Variants in TAMM41 observed in about 807,000 individuals in gnomAD.
TAMM41 encodes TAM41 mitochondrial translocator assembly and maintenance homolog.
In TAMM41, 36 loss-of-function variants were observed where a neutral mutation model predicts 44.1. That is an observed-to-expected ratio of 0.82 (90% CI 0.63 to 1.08). The LOEUF (loss-of-function observed/expected upper bound fraction) is 1.08, where lower values mean the gene tolerates loss of function less well. Among genes scored for constraint, TAMM41 ranks in the 50% least tolerant of loss-of-function variants. The pLI, the probability that TAMM41 is intolerant of heterozygous loss-of-function variation, is 0.00. For synonymous variants in TAMM41, 164 were observed against 153.1 expected (o/e 1.07, Z -0.53); for missense variants, 417 against 404.3 (o/e 1.03, Z -0.27).
the TAMM41 span, among the ~76,000 whole-genome samples, chr3:11,757,738 A>C: frequency 2.6e-5 from 4 of 152,206 alleles, no homozygotes; most frequent in African/African-American, 9.6e-5. Flanking sequence ...ATTTAGAAGC[A>C]ATTCTGTGTC....
chr3:11,791,306 C>G (rs984605801), intron 7 of TAMM41, among the ~76,000 whole-genome samples: 3 of 152,154 alleles, frequency 2.0e-5, no homozygotes, highest in African/African-American at 7.2e-5. Context: ...GGAGAGCTGG[C>G]CCCCTAGCAC....
the TAMM41 span, among the ~76,000 whole-genome samples, chr3:11,731,219 C>T: frequency 5.3e-5 from 8 of 152,090 alleles, no homozygotes; most frequent in Non-Finnish European, 7.4e-5. Flanking sequence ...ACTAAATGAC[C>T]AGATTAGTCA....
At chr3:11,738,595 G>A in the TAMM41 span, among the ~76,000 whole-genome samples, 3 of 152,160 alleles carry the variant, frequency 2.0e-5, no homozygotes, top group African/African-American at 7.2e-5. Flanking sequence ...TGTGCTCAGA[G>A]GGAGTTGCTG....
Position 11,827,929 on chromosome 3 carries a change from C to T in TAMM41, c.562+1785G>A, listed in dbSNP as rs556942269. On this transcript the variant is annotated intron_variant, in intron 4 of 7. Transcript: ENST00000455809. Reference sequence around the variant, plus strand: ...GACAGACATGGTTTTTCTGTTCCTTCTCCTGCCCACTCCCAGGAAAAATAC... The same window carrying T: ...GACAGACATGGTTTTTCTGTTCCTTTTCCTGCCCACTCCCAGGAAAAATAC... 8.5e-5 allele frequency among the ~76,000 whole-genome samples: 13 copies of T among 152,270 alleles called. No homozygotes were observed. In the East Asian group the frequency reaches 2.5e-3, roughly 30 times the overall value.
chr3:11,779,294 T>G, the TAMM41 span, among the ~76,000 whole-genome samples: 1 of 152,164 alleles, frequency 6.6e-6, no homozygotes, highest in African/African-American at 2.4e-5. Flanking sequence ...AATAAACCTT[T>G]ACTCTTTACA....
downstream of TAMM41, among the ~76,000 whole-genome samples, chr3:11,786,082 A>G (rs2124902522): frequency 6.6e-6 from 1 of 152,174 alleles, no homozygotes; most frequent in East Asian, 1.9e-4. Flanking sequence ...TTTGAGAGAC[A>G]GAGTCTCGCT....
chr3:11,739,565 G>A, the TAMM41 span, among the ~76,000 whole-genome samples: 2 of 151,716 alleles, frequency 1.3e-5, no homozygotes, highest in Non-Finnish European at 2.9e-5. Context: ...CCAGCTACTC[G>A]GGTGGCCGAG....
chr3:11,737,284 CATTATTATTATTATTATTATT>C, the TAMM41 span, among the ~76,000 whole-genome samples: 1,931 of 131,664 alleles, frequency 0.015, 47 homozygotes, highest in African/African-American at 0.047. Flanking sequence ...TGTTGGCTTA[CATTATTATTATTATTATTATT>C]ATTATTATTA....
chr3:11,803,078 C>G (rs2077799369), intron 7 of TAMM41, among the ~76,000 whole-genome samples: 1 of 152,176 alleles, frequency 6.6e-6, no homozygotes, highest in South Asian at 2.1e-4. Flanking sequence ...TCAAGGCCAG[C>G]CTGGCCAACA....
chr3:11,733,481 T>C, the TAMM41 span, among the ~76,000 whole-genome samples: 1 of 151,750 alleles, frequency 6.6e-6, no homozygotes, highest in Admixed American at 6.6e-5. Context: ...TATAAGGAGT[T>C]TGGGGGTGTC....
At chr3:11,821,830 C>G (rs181550850) in intron 4 of TAMM41, among the ~76,000 whole-genome samples, 154 of 152,228 alleles carry the variant, frequency 1.0e-3, no homozygotes, top group African/African-American at 3.6e-3. Flanking sequence ...AATGGAGATC[C>G]AGGTTGGGCA....
intron 4 of TAMM41, among the ~76,000 whole-genome samples, chr3:11,823,817 C>T (rs1326303384): frequency 7.2e-6 from 1 of 139,148 alleles, no homozygotes; most frequent in African/African-American, 2.7e-5. Context: ...AGGTGTGTAC[C>T]ACCATGCCCG....
chr3:11,735,489 C>A, the TAMM41 span, among the ~76,000 whole-genome samples: 1 of 151,920 alleles, frequency 6.6e-6, no homozygotes, highest in African/African-American at 2.4e-5. Context: ...CAAAAATTAG[C>A]CAGGTGTGGT....
chr3:11,835,283 G>T (rs1366219252), intron 3 of TAMM41, among the ~76,000 whole-genome samples: 1 of 152,084 alleles, frequency 6.6e-6, no homozygotes, highest in Non-Finnish European at 1.5e-5. Context: ...GGTTAACAGT[G>T]ATTTCCACAT....
chr3:11,785,245 T>C, the TAMM41 span, among the ~76,000 whole-genome samples: 4 of 152,278 alleles, frequency 2.6e-5, no homozygotes, highest in East Asian at 3.9e-4. Flanking sequence ...GATCAGAAGA[T>C]AGGAGGAAGA....
the TAMM41 span, among the ~76,000 whole-genome samples, chr3:11,727,384 T>C: frequency 3.9e-5 from 6 of 152,172 alleles, no homozygotes; most frequent in African/African-American, 1.2e-4. Context: ...ACCTGCTGAA[T>C]TGGATCTGCA....
At chr3:11,777,567 G>A in the TAMM41 span, among the ~76,000 whole-genome samples, 1 of 152,216 alleles carries the variant, frequency 6.6e-6, no homozygotes, top group Non-Finnish European at 1.5e-5. Flanking sequence ...GCCTAGGCAG[G>A]TGGATCATTT....
At chr3:11,772,778 TC>T in the TAMM41 span, among the ~76,000 whole-genome samples, 1 of 152,158 alleles carries the variant, frequency 6.6e-6, no homozygotes, top group Non-Finnish European at 1.5e-5. Context: ...TTATTAAGCC[TC>T]CTATTCAGGG....
At chr3:11,724,842 TCA>T in the TAMM41 span, 2 of 152,298 alleles carry the variant, frequency 1.3e-5, no homozygotes, top group African/African-American at 4.8e-5. Context: ...GCACAGCTTC[TCA>T]GTTTCCCTTT....
Sources: gnomAD v4.1 joint callset for allele counts (sites outside exome capture counted in the v4.1 genomes callset) on GRCh38, gnomAD v4.1.1 for gene constraint, MANE v1.5 for transcripts, NCBI Gene and HGNC (gene_info 2026-07-23, HGNC 2026-07-21) for gene names.